The following EMILIN2 variants were observed in gnomAD, a reference collection of about 807,000 sequenced individuals.
EMILIN2 encodes EMILIN-2.
EMILIN2 carries 71 observed loss-of-function variants against 87.1 expected under a neutral mutation model. That is an observed-to-expected ratio of 0.82 (90% CI 0.67 to 0.99). EMILIN2 has a LOEUF of 0.99. EMILIN2 is among the 50% of genes least tolerant of loss of function. The pLI is 0.00. For missense variants in EMILIN2, 1,407 were observed against 1,371.8 expected (o/e 1.03, Z -0.40); for synonymous variants, 581 against 563.4 (o/e 1.03, Z -0.44).
intron 2 of EMILIN2, among the ~76,000 whole-genome samples, chr18:2,875,772 A>G (rs2076744517): frequency 6.6e-6 from 1 of 152,240 alleles, no homozygotes; most frequent in Non-Finnish European, 1.5e-5. Context: ...TAGCAAATCT[A>G]AGAATAACAA....
In EMILIN2 at chr18:2,913,597, T is replaced by G; in HGVS notation, c.*193T>G. 3.6e-6 allele frequency: 2 copies of G among 552,750 alleles called. No individual in the cohort carries two copies. The highest frequency in any genetic ancestry group is 3.2e-6 in the Non-Finnish European group (1 of 316,322). The allele number at this position is 552,750 out of a possible 1,614,324, so 34.2% of individuals were successfully genotyped here. A position where few individuals can be genotyped will look rare whatever the true frequency, so the allele number is the denominator to read the frequency against. On this transcript the variant is annotated 3_prime_UTR_variant, in exon 8 of 8. Coordinates refer to ENST00000254528, the MANE Select transcript of EMILIN2 (RefSeq NM_032048.3). ...AGGCTGCAGGGAGTGAGGCACACGG[T>G]GAACATGGCCACTGACTTTTCTGCC... is the stretch of plus-strand genomic sequence containing the variant.
chr18:2,857,597 C>A (rs142736895), intron 2 of EMILIN2, among the ~76,000 whole-genome samples: 1 of 151,476 alleles, frequency 6.6e-6, no homozygotes, highest in Non-Finnish European at 1.5e-5. Flanking sequence ...GAACTCAGGG[C>A]GTGGGACGAG....
At chr18:2,879,865 G>A (rs867688320) in intron 2 of EMILIN2, among the ~76,000 whole-genome samples, 9 of 151,944 alleles carry the variant, frequency 5.9e-5, no homozygotes, top group South Asian at 2.1e-4. Context: ...ATCACCATGC[G>A]TGGCTAACTT....
intron 2 of EMILIN2, among the ~76,000 whole-genome samples, chr18:2,861,293 C>T (rs1328979401): frequency 1.3e-5 from 2 of 152,230 alleles, no homozygotes; most frequent in African/African-American, 2.4e-5. Context: ...GTGTTTTAGA[C>T]ATGAAGTCCT....
At chr18:2,897,574 C>T (rs2076869207) in intron 4 of EMILIN2, among the ~76,000 whole-genome samples, 1 of 152,080 alleles carries the variant, frequency 6.6e-6, no homozygotes, top group Non-Finnish European at 1.5e-5. Flanking sequence ...GTATAAAAAG[C>T]CTTAGAAATG....
chr18:2,900,392 T>C (rs563576379), intron 4 of EMILIN2, among the ~76,000 whole-genome samples: 16 of 152,186 alleles, frequency 1.1e-4, no homozygotes, highest in Admixed American at 9.8e-4. Flanking sequence ...TCTGGCTATG[T>C]TGAAAGGCTG....
At chr18:2,883,227 G>GATGTCAAAGGCCCCTCAC (rs2076786021) in intron 2 of EMILIN2, among the ~76,000 whole-genome samples, 1 of 151,430 alleles carries the variant, frequency 6.6e-6, no homozygotes, top group Non-Finnish European at 1.5e-5. Flanking sequence ...CCTCGGGGAG[G>GATGTCAAAGGCCCCTCAC]ATGTCAAAGG....
chr18:2,885,048 A>T lies in EMILIN2; in HGVS notation c.342A>T (p.Arg114Ser). ...QLEWRCCPGF[R>S]GGDCQEGPKD... Reference sequence around the variant, plus strand: ...AATGGAGGTGCTGTCCTGGCTTTAGAGGGGGAGATTGCCAAGAAGGTCCCA... The same window carrying T: ...AATGGAGGTGCTGTCCTGGCTTTAGTGGGGGAGATTGCCAAGAAGGTCCCA... The change falls in exon 3 of 8, where the codon AGA (arginine) becomes AGT (serine). Residue 114 changes from arginine to serine, a missense_variant. Arg to Ser is a moderately radical substitution (Grantham distance 110). Coordinates refer to ENST00000254528, the MANE Select transcript of EMILIN2 (RefSeq NM_032048.3). 6.2e-7 allele frequency: 1 copy of T among 1,613,868 alleles called. No homozygotes were observed. Among genetic ancestry groups the T allele is most frequent in the East Asian group, 2.2e-5 (1 of 44,874 alleles).
intron 3 of EMILIN2, among the ~76,000 whole-genome samples, chr18:2,887,587 C>A (rs1437276664): frequency 6.6e-6 from 1 of 152,176 alleles, no homozygotes; most frequent in Non-Finnish European, 1.5e-5. Context: ...ATGTGACACA[C>A]TGGCCCTCTT....
chr18:2,856,268 C>T (rs186453055), intron 2 of EMILIN2, among the ~76,000 whole-genome samples: 4 of 152,238 alleles, frequency 2.6e-5, no homozygotes. Flanking sequence ...AGAAATTGCA[C>T]TGGAAGCCGA....
chr18:2,900,055 A>T (rs898013704), intron 4 of EMILIN2, among the ~76,000 whole-genome samples: 4 of 151,976 alleles, frequency 2.6e-5, no homozygotes, highest in African/African-American at 9.7e-5. Context: ...TTATGTCTGG[A>T]TTCTTATTAT....
intron 2 of EMILIN2, among the ~76,000 whole-genome samples, chr18:2,856,750 T>C (rs1039773894): frequency 6.6e-6 from 1 of 152,224 alleles, no homozygotes. Context: ...CCATCCTTGA[T>C]GAAGTAGTTT....
intron 4 of EMILIN2, among the ~76,000 whole-genome samples, chr18:2,895,503 G>C (rs142902345): frequency 6.6e-6 from 1 of 152,204 alleles, no homozygotes; most frequent in Non-Finnish European, 1.5e-5. Context: ...CAGGAACCCC[G>C]GCAGGGCTTG....
intron 2 of EMILIN2, among the ~76,000 whole-genome samples, chr18:2,858,522 C>CATATATATATATATATATATAT (rs202158489): frequency 2.2e-5 from 1 of 45,790 alleles, no homozygotes; most frequent in African/African-American, 1.3e-4. Context: ...AGTATTCCAT[C>CATATATATATATATATATATAT]ATATATATAT....
rs376232778 is a variant in EMILIN2 at position 2,907,026 on chromosome 18, T to C, written c.2603T>C (p.Val868Ala). 6.1e-4 allele frequency: 792 copies of C among 1,307,830 alleles called. 15 individuals are homozygous for C. The South Asian group carries it at 0.017, about 28-fold the overall frequency. The allele number at this position is 1,307,830 out of a possible 1,614,324, so 81.0% of individuals were successfully genotyped here. A position where few individuals can be genotyped will look rare whatever the true frequency, so the allele number is the denominator to read the frequency against. ...TCTGGGCGGGGTCTGCCGCGGGGCG[T>C]GGACGGCCAGACCGGGAGCGGCACC... ...GVSGRGLPRG[V>A]DGQTGSGTVP... Residue 868 changes from valine (V) to alanine (A), a missense_variant, in exon 5 of 8, where the codon GTG (valine) becomes GCG (alanine). Physicochemically the swap from Val to Ala is moderately conservative, Grantham distance 64. Transcript: ENST00000254528.
At chr18:2,868,895 A>G (rs1313845336) in intron 2 of EMILIN2, among the ~76,000 whole-genome samples, 1 of 151,862 alleles carries the variant, frequency 6.6e-6, no homozygotes, top group Non-Finnish European at 1.5e-5. Flanking sequence ...TATTTTCAAA[A>G]TGCTAACATA....
intron 4 of EMILIN2, chr18:2,906,240 C>T (rs888763978): frequency 6.6e-6 from 1 of 152,288 alleles, no homozygotes; most frequent in Non-Finnish European, 1.5e-5. Flanking sequence ...CAGGAGCTTC[C>T]TCCGTTGGAA....
chr18:2,875,445 G>A (rs1261358162), intron 2 of EMILIN2, among the ~76,000 whole-genome samples: 3 of 152,188 alleles, frequency 2.0e-5, no homozygotes, highest in African/African-American at 7.2e-5. Flanking sequence ...GTTTCAGAAT[G>A]GGATAGTATA....
At chr18:2,887,476 A>G (rs1039268386) in intron 3 of EMILIN2, among the ~76,000 whole-genome samples, 32 of 105,726 alleles carry the variant, frequency 3.0e-4, no homozygotes, top group African/African-American at 1.0e-3. Context: ...CCTTGCGGTA[A>G]TAAATGAGTT....
Sources: gnomAD v4.1 joint callset for allele counts (sites outside exome capture counted in the v4.1 genomes callset) on GRCh38, gnomAD v4.1.1 for gene constraint, MANE v1.5 for transcripts, NCBI Gene and HGNC (gene_info 2026-07-23, HGNC 2026-07-21) for gene names.